LARGE1: variants seen among roughly 807,000 people sequenced by gnomAD.
LARGE1 encodes the protein xylosyl- and glucuronyltransferase LARGE1.
Under a neutral mutation model 87.6 loss-of-function variants are expected in LARGE1, and 43 were observed. That is an observed-to-expected ratio of 0.49 (90% CI 0.38 to 0.63). The LOEUF (loss-of-function observed/expected upper bound fraction) is 0.63. Ranked by LOEUF, LARGE1 falls within the 30% of genes least tolerant of loss-of-function variation. The pLI is 0.00. For missense variants in LARGE1, 802 were observed against 1,000.2 expected (o/e 0.80, Z 2.67); for synonymous variants, 434 against 394.6 (o/e 1.10, Z -1.18).
intron 6 of LARGE1, among the ~76,000 whole-genome samples, chr22:33,550,118 A>G (rs995411568): frequency 7.3e-5 from 11 of 151,550 alleles, no homozygotes; most frequent in Middle Eastern, 3.4e-3. Context: ...CACATTGTGC[A>G]CATGTACCCT....
chr22:33,405,256 A>G (rs1266209543), intron 7 of LARGE1, among the ~76,000 whole-genome samples: 2 of 152,170 alleles, frequency 1.3e-5, no homozygotes, highest in African/African-American at 2.4e-5. Context: ...GTGTCATTGT[A>G]TCATGGCCCA....
intron 9 of LARGE1, among the ~76,000 whole-genome samples, chr22:33,338,741 G>A (rs1938787961): frequency 2.0e-5 from 3 of 152,150 alleles, no homozygotes; most frequent in African/African-American, 7.2e-5. Flanking sequence ...TAGAGGGCTG[G>A]GAAGCAGCCA....
intron 7 of LARGE1, among the ~76,000 whole-genome samples, chr22:33,390,535 C>G (rs1366667048): frequency 1.3e-5 from 2 of 152,114 alleles, no homozygotes; most frequent in Non-Finnish European, 2.9e-5. Context: ...AAAGACCATG[C>G]TTCCTCTTAA....
chr22:33,883,024 T>A (rs2267311), intron 1 of LARGE1, among the ~76,000 whole-genome samples: 12,943 of 152,192 alleles, frequency 0.085, 993 homozygotes, highest in East Asian at 0.39. Flanking sequence ...GGGCCCTGGA[T>A]TGCAAATAAT....
chr22:33,118,746 A>G, the LARGE1 span, among the ~76,000 whole-genome samples: 19 of 152,300 alleles, frequency 1.2e-4, 1 homozygote, highest in East Asian at 3.7e-3. Context: ...GTTTAACAGT[A>G]GTGCAGGTAC....
At chr22:33,548,465 G>C (rs2077430613) in intron 6 of LARGE1, among the ~76,000 whole-genome samples, 1 of 152,000 alleles carries the variant, frequency 6.6e-6, no homozygotes, top group Non-Finnish European at 1.5e-5. Context: ...GTCCAGGCTG[G>C]AGTGCAATGG....
At chr22:33,746,185 T>C (rs566342449) in intron 2 of LARGE1, among the ~76,000 whole-genome samples, 12 of 152,212 alleles carry the variant, frequency 7.9e-5, no homozygotes, top group Non-Finnish European at 2.9e-5. Flanking sequence ...GAGCTTGCAG[T>C]GAGCAGAGAT....
rs566303218 is a variant in LARGE1, at chr22:33,248,754, A to G, written c.1730+55475T>C. ...CTCCACAACCCCTGATCTTTTTACT[A>G]TCTCCACAGTTTTGCCTTTTCCAGA... is the stretch of plus-strand genomic sequence containing the variant. On this transcript the variant is annotated intron_variant, in intron 11 of 11. Transcript: ENST00000608642. 2.6e-5 allele frequency among the ~76,000 whole-genome samples: 4 copies of G among 152,256 alleles called. No individual in the cohort carries two copies. The East Asian group carries it at 7.7e-4, about 29-fold the overall frequency.
intron 12 of LARGE1, among the ~76,000 whole-genome samples, chr22:33,296,897 C>T (rs554089398): frequency 1.3e-5 from 2 of 152,296 alleles, no homozygotes; most frequent in East Asian, 1.9e-4. Flanking sequence ...TACTGCTGTG[C>T]CCTTGGGCAT....
intron 1 of LARGE1, among the ~76,000 whole-genome samples, chr22:33,847,731 C>G (rs930554381): frequency 6.6e-6 from 1 of 152,212 alleles, no homozygotes; most frequent in East Asian, 1.9e-4. Flanking sequence ...TCTTTCTTCT[C>G]TCATTGTAAA....
chr22:33,889,833 G>A (rs2064957949), intron 1 of LARGE1, among the ~76,000 whole-genome samples: 1 of 152,236 alleles, frequency 6.6e-6, no homozygotes, highest in Non-Finnish European at 1.5e-5. Flanking sequence ...TTCAATGAGG[G>A]AAGGATGTGA....
intron 1 of LARGE1, among the ~76,000 whole-genome samples, chr22:33,905,491 A>T (rs965222201): frequency 6.6e-6 from 1 of 152,230 alleles, no homozygotes; most frequent in African/African-American, 2.4e-5. Flanking sequence ...AAACATTAAC[A>T]TTTTAAAATA....
chr22:33,463,734 G>C (rs187459212), intron 6 of LARGE1, among the ~76,000 whole-genome samples: 16 of 152,150 alleles, frequency 1.1e-4, no homozygotes, highest in Non-Finnish European at 2.2e-4. Flanking sequence ...GTGCCGTGGC[G>C]CAACCTCGGC....
the LARGE1 span, among the ~76,000 whole-genome samples, chr22:33,079,789 G>A: frequency 6.6e-6 from 1 of 152,024 alleles, no homozygotes; most frequent in African/African-American, 2.4e-5. Context: ...TTCCCCTTAA[G>A]ACATAATTTT....
chr22:33,916,468 G>A (rs1361551256), intron 1 of LARGE1, among the ~76,000 whole-genome samples: 1 of 152,136 alleles, frequency 6.6e-6, no homozygotes, highest in African/African-American at 2.4e-5. Flanking sequence ...ATTTAACGAA[G>A]CCTTTCACTC....
intron 6 of LARGE1, among the ~76,000 whole-genome samples, chr22:33,447,711 G>A (rs780978054): frequency 5.3e-5 from 8 of 152,334 alleles, no homozygotes; most frequent in South Asian, 4.1e-4. Flanking sequence ...GCTTCTGGGC[G>A]TGGGGTAAGT....
chr22:33,658,124 T>C (rs2081021849), intron 2 of LARGE1, among the ~76,000 whole-genome samples: 1 of 152,152 alleles, frequency 6.6e-6, no homozygotes, highest in South Asian at 2.1e-4. Flanking sequence ...GTTGCGGTTG[T>C]TGTTTCTGCT....
intron 1 of LARGE1, among the ~76,000 whole-genome samples, chr22:33,804,502 A>T (rs888495902): frequency 6.6e-6 from 1 of 152,200 alleles, no homozygotes; most frequent in Non-Finnish European, 1.5e-5. Flanking sequence ...ATCAAAAGGG[A>T]GGCTGCAAGA....
chr22:33,754,512 A>G lies in LARGE1; in HGVS notation c.106+6859T>C, dbSNP rs11912274. On this transcript the variant is annotated intron_variant, in intron 2 of 14. Transcript: ENST00000397394. ...CACCACGCCCGGCTAATTTTTTTGT[A>G]TTTTTAGTAGAGACGGGGTTTCACC... Among the ~76,000 whole-genome samples the G allele has an allele frequency of 8.0e-3, 1,218 of 151,516 alleles. 17 individuals are homozygous for G. Among genetic ancestry groups the G allele is most frequent in the African/African-American group, 0.027 (1,119 of 41,290 alleles).
Sources: allele counts gnomAD v4.1 joint callset (sites outside exome capture counted in the v4.1 genomes callset), GRCh38; gene constraint gnomAD v4.1.1; transcripts MANE v1.5; gene names NCBI Gene and HGNC (gene_info 2026-07-23, HGNC 2026-07-21).